RALGAPA2: variants seen among roughly 807,000 people sequenced by gnomAD.
RALGAPA2 encodes Ral GTPase activating protein catalytic subunit alpha 2, also known as ral GTPase-activating protein subunit alpha-2.
In RALGAPA2, 139 loss-of-function variants were observed where a neutral mutation model predicts 230.4. The ratio of observed to expected loss-of-function variants is 0.60; its 90% CI spans 0.53 to 0.69. RALGAPA2 has a LOEUF of 0.69. RALGAPA2 is among the 30% of genes least tolerant of loss of function. The pLI, the probability that RALGAPA2 is intolerant of heterozygous loss-of-function variation, is 0.00. For synonymous variants in RALGAPA2, 847 were observed against 837.8 expected (o/e 1.01, Z -0.19); for missense variants, 2,163 against 2,276.0 (o/e 0.95, Z 1.01).
chr20:20,681,130 G>A (rs1164113940), intron 1 of RALGAPA2, among the ~76,000 whole-genome samples: 3 of 152,142 alleles, frequency 2.0e-5, no homozygotes, highest in Non-Finnish European at 4.4e-5. Context: ...TCCTGTTACG[G>A]GATGAGGAAG....
chr20:20,654,744 T>C (rs1034173609), intron 3 of RALGAPA2, among the ~76,000 whole-genome samples: 2 of 152,242 alleles, frequency 1.3e-5, no homozygotes, highest in Non-Finnish European at 2.9e-5. Context: ...TTTTAATTCC[T>C]TGGGACATAA....
At position 20,611,061 on chromosome 20, in the gene RALGAPA2, C is replaced by T. The variant is rs532877872; in HGVS notation, c.1800+254G>A. ...AAATCTACCTAGCCTTCCACCAAGG[C>T]CATCAGAGCTTCCTAATTCCTACCA... On this transcript the variant is annotated intron_variant, in intron 14 of 39. Transcript: ENST00000202677. Among the ~76,000 whole-genome samples, 7 of 152,202 alleles carry T rather than the reference C, an allele frequency of 4.6e-5. No homozygotes were observed. In the East Asian group the frequency reaches 7.7e-4, roughly 17 times the overall value.
intron 19 of RALGAPA2, among the ~76,000 whole-genome samples, chr20:20,583,862 C>A (rs995577250): frequency 6.6e-6 from 1 of 152,218 alleles, no homozygotes; most frequent in Non-Finnish European, 1.5e-5. Context: ...TTCTCAGAGT[C>A]TCCTGTCTAC....
chr20:20,656,321 T>C (rs1448426874), intron 3 of RALGAPA2, among the ~76,000 whole-genome samples: 1 of 152,248 alleles, frequency 6.6e-6, no homozygotes, highest in African/African-American at 2.4e-5. Flanking sequence ...AGTATTTATA[T>C]GCACAACTAG....
intron 37 of RALGAPA2, among the ~76,000 whole-genome samples, chr20:20,440,979 T>C (rs541179883): frequency 2.6e-4 from 39 of 152,400 alleles, no homozygotes; most frequent in Middle Eastern, 3.4e-3. Context: ...GAAGTTTGCA[T>C]GTTTATTTAC....
chr20:20,415,190 T>C, intron 37 of RALGAPA2, among the ~76,000 whole-genome samples: 1 of 152,364 alleles, frequency 6.6e-6, no homozygotes, highest in East Asian at 1.9e-4. Flanking sequence ...TTGCTTTCTA[T>C]AACAAAGGGC....
intron 23 of RALGAPA2, among the ~76,000 whole-genome samples, chr20:20,555,801 AGTGT>A (rs1195189754): frequency 1.3e-5 from 2 of 151,958 alleles, no homozygotes; most frequent in Non-Finnish European, 2.9e-5. Flanking sequence ...TTCTTTTTTA[AGTGT>A]GTGTGTATTT....
At position 20,403,384 on chromosome 20, in the gene RALGAPA2, G is replaced by C. The variant is rs540816145; in HGVS notation, c.5618-6650C>G. Among the ~76,000 whole-genome samples, 3 of 152,292 alleles carry C rather than the reference G, an allele frequency of 2.0e-5. No homozygotes were observed. The South Asian group carries it at 6.2e-4, about 32-fold the overall frequency. On this transcript the variant is annotated intron_variant, in intron 38 of 39. Coordinates refer to ENST00000202677, the MANE Select transcript of RALGAPA2 (RefSeq NM_020343.4). ...TCGCATCTACTTAAATTGTAGCAAAGGTGCATCCCTCTGTGTCCCCGGGTC... is the reference window on the plus strand; with the variant it reads ...TCGCATCTACTTAAATTGTAGCAAACGTGCATCCCTCTGTGTCCCCGGGTC...
intron 9 of RALGAPA2, among the ~76,000 whole-genome samples, chr20:20,633,523 T>C (rs1289393778): frequency 6.6e-6 from 1 of 152,214 alleles, no homozygotes; most frequent in Admixed American, 6.5e-5. Context: ...AGTCTCGCTC[T>C]GTCGCCCAGG....
rs371018030 is a variant in RALGAPA2 at position 20,650,943 on chromosome 20, G to A, written c.328+2587C>T. Reference sequence around the variant, plus strand: ...ATTATAGGAAAACTGAAGTTCTTCTGTGTAAGTCATTAGTGGACAGAACCT... The same window carrying A: ...ATTATAGGAAAACTGAAGTTCTTCTATGTAAGTCATTAGTGGACAGAACCT... On this transcript the variant is annotated intron_variant, in intron 4 of 39. Transcript: ENST00000202677. 3.9e-5 allele frequency among the ~76,000 whole-genome samples: 6 copies of A among 152,180 alleles called. No individual in the cohort carries two copies. The East Asian group carries it at 5.8e-4, about 15-fold the overall frequency.
At chr20:20,425,235 T>C (rs2060357097) in intron 37 of RALGAPA2, among the ~76,000 whole-genome samples, 1 of 152,190 alleles carries the variant, frequency 6.6e-6, no homozygotes. Context: ...CTATAAACAA[T>C]CTCTTAGGCC....
chr20:20,407,456 C>G (rs2059969994), intron 38 of RALGAPA2, among the ~76,000 whole-genome samples: 1 of 152,214 alleles, frequency 6.6e-6, no homozygotes, highest in African/African-American at 2.4e-5. Context: ...GACTGCCTGT[C>G]AGGACTGCAT....
rs570246987 is a variant in RALGAPA2 at position 20,542,339 on chromosome 20, G to A, written c.3285+4365C>T. On this transcript the variant is annotated intron_variant, in intron 24 of 39. Transcript: ENST00000202677. Reference sequence around the variant, plus strand: ...CATGAAAATGGCCATACTGCCCAAAGTAATTTATAGATTCAATGCTATTCC... The same window carrying A: ...CATGAAAATGGCCATACTGCCCAAAATAATTTATAGATTCAATGCTATTCC... Among the ~76,000 whole-genome samples, 6 of 152,292 alleles carry A rather than the reference G, an allele frequency of 3.9e-5. No homozygotes were observed. In the South Asian group the frequency reaches 1.2e-3, roughly 32 times the overall value.
intron 22 of RALGAPA2, 101 bp downstream of exon 22, chr20:20,571,747 C>G (rs1259583829): frequency 8.2e-6 from 12 of 1,456,508 alleles, no homozygotes; most frequent in Non-Finnish European, 1.0e-5. Context: ...AAGACCCAGC[C>G]TGTCTTCAAA....
chr20:20,674,211 A>ATAATAG (rs913289543), intron 3 of RALGAPA2, among the ~76,000 whole-genome samples: 25 of 150,332 alleles, frequency 1.7e-4, no homozygotes, highest in Non-Finnish European at 3.3e-4. Context: ...AATAATAATA[A>ATAATAG]TAATAGTAAT....
intron 35 of RALGAPA2, among the ~76,000 whole-genome samples, chr20:20,502,396 T>C (rs2062403576): frequency 6.6e-6 from 1 of 152,198 alleles, no homozygotes; most frequent in Admixed American, 6.5e-5. Context: ...TAATGAGGGA[T>C]GATGGTCAGA....
chr20:20,394,345 AGGTCGGGC>A (rs2059661044), intron 39 of RALGAPA2, among the ~76,000 whole-genome samples: 3 of 152,090 alleles, frequency 2.0e-5, no homozygotes, highest in Non-Finnish European at 4.4e-5. Flanking sequence ...AGGCTCAGTC[AGGTCGGGC>A]ATACAGAGAA....
rs963743709 is a variant in RALGAPA2, at chr20:20,653,452, A to G, written c.328+78T>C. The G allele has an allele frequency of 2.5e-5, 20 of 794,980 alleles. No homozygotes were observed. The East Asian group carries it at 4.8e-4, about 19-fold the overall frequency. 49.2% of individuals were successfully genotyped at this position (794,980 alleles called of 1,614,324 possible). Reference sequence around the variant, plus strand: ...TTCCTTTCTATAAGCTATCTTGATGATATCAATTATATAAAACATTACTGA... The same window carrying G: ...TTCCTTTCTATAAGCTATCTTGATGGTATCAATTATATAAAACATTACTGA... On this transcript the variant is annotated intron_variant, in intron 4 of 39. Coordinates refer to ENST00000202677, the MANE Select transcript of RALGAPA2 (RefSeq NM_020343.4).
chr20:20,455,543 T>C (rs1041984533), intron 37 of RALGAPA2, among the ~76,000 whole-genome samples: 3 of 152,180 alleles, frequency 2.0e-5, no homozygotes, highest in East Asian at 3.8e-4. Context: ...GGCATTCCTA[T>C]GGTCTTCCAA....
Sources: allele counts gnomAD v4.1 joint callset (sites outside exome capture counted in the v4.1 genomes callset), GRCh38; gene constraint gnomAD v4.1.1; transcripts MANE v1.5; gene names NCBI Gene and HGNC (gene_info 2026-07-23, HGNC 2026-07-21).